Variants in GEMIN4 observed in about 807,000 individuals in gnomAD.
The protein encoded by GEMIN4 is gem-associated protein 4.
Under a neutral mutation model 76.8 loss-of-function variants are expected in GEMIN4, and 59 were observed. That is an observed-to-expected ratio of 0.77 (90% CI 0.62 to 0.95). The LOEUF is 0.95. Among genes scored for constraint, GEMIN4 ranks in the 40% least tolerant of loss-of-function variants. The probability of loss-of-function intolerance (pLI) is 0.00; values close to 1 mark genes in which losing one functional copy is unlikely to be tolerated. For missense variants in GEMIN4, 1,311 were observed against 1,318.9 expected, an observed-to-expected ratio of 0.99 and a Z score of 0.09; for synonymous variants, 562 against 559.7, an observed-to-expected ratio of 1.00 and a Z score of -0.06.
In GEMIN4 at chr17:746,522, C is replaced by T. The variant is rs373721364; in HGVS notation, c.1521G>A (p.Gly507=). Reference sequence around the variant, plus strand: ...GCAACTTTTCAGAGAGGCCCTTTCGCCCCCAGGAACGCAGGATACCTGCAA... The same window carrying T: ...GCAACTTTTCAGAGAGGCCCTTTCGTCCCCAGGAACGCAGGATACCTGCAA... The part of the protein sequence containing the change: ...KVLAGILRSW[G]RKGLSEKLLA... The change falls in exon 2 of 2, where the codon GGG becomes GGA. Residue 507 remains glycine, a synonymous_variant. Transcript: ENST00000319004. This position sits in a 1 kb window ranked among gnomAD's most constrained non-coding sequence, Gnocchi z 4.3. The T allele has an allele frequency of 4.3e-6, 7 of 1,613,820 alleles. No homozygotes were observed. In the African/African-American group the frequency reaches 8.0e-5, roughly 18 times the overall value.
At position 745,229 on chromosome 17, in the gene GEMIN4, G is replaced by C. The variant is rs371078277; in HGVS notation, c.2814C>G (p.His938Gln). 1 of 1,609,658 alleles carries C rather than the reference G, an allele frequency of 6.2e-7. No individual in the cohort carries two copies. The highest frequency in any genetic ancestry group is 8.5e-7 in the Non-Finnish European group (1 of 1,178,484). The change falls in exon 2 of 2, where the codon CAC becomes CAG. Residue 938 changes from histidine (H) to glutamine (Q), a missense_variant. Around this residue, in one of 2 missense-constraint regions of GEMIN4, gnomAD observed 1,208 missense variants for 1,166.9 expected, o/e 1.04. Transcript: ENST00000319004. This position sits in a 1 kb window ranked among gnomAD's most constrained non-coding sequence, Gnocchi z 4.6. Reference sequence around the variant, plus strand: ...GACTGCCACAGAGGAGTTTGACCACGTGGTTCCAGCCTTCCAGAGGAAGCC... The same window carrying C: ...GACTGCCACAGAGGAGTTTGACCACCTGGTTCCAGCCTTCCAGAGGAAGCC... ...RDWLPLEGWN[H>Q]VVKLLCGSLT... is the part of the protein sequence containing the mutation.
chr17:750,000 G>GGAAA (rs1904578827), intron 1 of GEMIN4: 1 of 979,058 alleles, frequency 1.0e-6, no homozygotes, highest in Non-Finnish European at 1.2e-6. Context: ...GACTTACCAT[G>GGAAA]GAAAACATCT....
At position 752,224 on chromosome 17, in the gene GEMIN4, T is replaced by TGGGAGACGCAGGAGCCACGGC. The variant is rs1904767336; in HGVS notation, c.-103_-83dup. ...ACGCGGCGCGGGACGCACGGCACGA[T>TGGGAGACGCAGGAGCCACGGC]GGGAGACGCAGGAGCCACGGCGGCC... is the stretch of plus-strand genomic sequence containing the variant. On this transcript the variant is annotated 5_prime_UTR_variant, in exon 1 of 2. Transcript: ENST00000319004. 1 of 1,229,070 alleles carries TGGGAGACGCAGGAGCCACGGC rather than the reference T, an allele frequency of 8.1e-7. No individual in the cohort carries two copies. The highest frequency in any genetic ancestry group is 3.2e-5 in the East Asian group (1 of 31,482). 76.1% of individuals were successfully genotyped at this position (1,229,070 alleles called of 1,614,324 possible). A position where few individuals can be genotyped will look rare whatever the true frequency, so the allele number is the denominator to read the frequency against.
At position 745,478 on chromosome 17, in the gene GEMIN4, C is replaced by A; in HGVS notation, c.2565G>T (p.Val855=). Residue 855 remains valine, a synonymous_variant, in exon 2 of 2, where the codon GTG becomes GTT. Coordinates refer to ENST00000319004, the MANE Select transcript of GEMIN4 (RefSeq NM_015721.3). This position sits in a 1 kb window ranked among gnomAD's most constrained non-coding sequence, Gnocchi z 4.6. ...ACCAAGGCATGACTTGCACCAGGGC[C>A]ACCAGAAAGCCTTTGCTGAACAGTC... is the stretch of plus-strand genomic sequence containing the variant. ...EVRLFSKGFL[V]ALVQVMPWCS... 6.2e-7 allele frequency: 1 copy of A among 1,612,084 alleles called. No individual in the cohort carries two copies. Among genetic ancestry groups the A allele is most frequent in the Non-Finnish European group, 8.5e-7 (1 of 1,179,860 alleles).
chr17:745,570 A>C lies in GEMIN4; in HGVS notation c.2473T>G (p.Ser825Ala), dbSNP rs866959440. 3.7e-6 allele frequency: 6 copies of C among 1,611,788 alleles called. No homozygotes were observed. The Middle Eastern group carries it at 6.6e-4, about 177-fold the overall frequency. The change falls in exon 2 of 2, where the codon TCC becomes GCC. Residue 825 changes from serine (S) to alanine (A), a missense_variant. Ser to Ala is a moderately conservative substitution (Grantham distance 99). Coordinates refer to ENST00000319004, the MANE Select transcript of GEMIN4 (RefSeq NM_015721.3). The surrounding 1 kb of genome is among the most constrained non-coding windows in gnomAD (Gnocchi z 4.6). Reference protein sequence around the residue: ...LLAWMECCCVSSGISERMLSL... With the variant: ...LLAWMECCCVASGISERMLSL... ...AGCATCCTCTCCGAGATGCCGCTGG[A>C]GACGCAGCAGCACTCCATCCAGGCC...
upstream of GEMIN4, chr17:753,418 G>A (rs1904858078): frequency 6.5e-6 from 1 of 153,064 alleles, no homozygotes; most frequent in African/African-American, 2.5e-5. Context: ...TGGGGGGCGT[G>A]GAGCGCGAAC....
At chr17:752,792 G>A, upstream of GEMIN4, 1 of 195,006 alleles carries the variant, frequency 5.1e-6, no homozygotes, top group Non-Finnish European at 9.4e-6. Context: ...CAAACATCGC[G>A]TGCCTGTCTC....
chr17:746,402 G>C lies in GEMIN4; in HGVS notation c.1641C>G (p.Ala547=), dbSNP rs550370353. The change falls in exon 2 of 2, where the codon GCC becomes GCG. Residue 547 remains alanine, a synonymous_variant. Transcript: ENST00000319004. The surrounding 1 kb of genome is among the most constrained non-coding windows in gnomAD (Gnocchi z 4.3). The part of the protein sequence containing the change: ...ASEQGLAKAV[A]SVARLVIVHP... ...GCACTATGACCAGGCGGGCCACGGA[G>C]GCCACAGCTTTTGCCAAGCCCTGTT... The C allele has an allele frequency of 6.2e-7, 1 of 1,613,806 alleles. No homozygotes were observed. The highest frequency in any genetic ancestry group is 1.1e-5 in the South Asian group (1 of 91,088).
chr17:746,382 A>G lies in GEMIN4; in HGVS notation c.1661T>C (p.Ile554Thr). The change falls in exon 2 of 2, where the codon ATA becomes ACA. Residue 554 changes from isoleucine (I) to threonine (T), a missense_variant. Physicochemically the swap from Ile to Thr is moderately conservative, Grantham distance 89 (BLOSUM62 -1). Coordinates refer to ENST00000319004, the MANE Select transcript of GEMIN4 (RefSeq NM_015721.3). This position sits in a 1 kb window ranked among gnomAD's most constrained non-coding sequence, Gnocchi z 4.3. The part of the protein sequence containing the change: ...KAVASVARLV[I>T]VHPEVTVKKM... ...CTTCACCGTGACTTCCGGGTGCACT[A>G]TGACCAGGCGGGCCACGGAGGCCAC... The G allele has an allele frequency of 6.2e-7, 1 of 1,613,826 alleles. No homozygotes were observed. Among genetic ancestry groups the G allele is most frequent in the Non-Finnish European group, 8.5e-7 (1 of 1,179,884 alleles).
chr17:751,224 T>C (rs1019624766), intron 1 of GEMIN4, among the ~76,000 whole-genome samples: 3 of 152,194 alleles, frequency 2.0e-5, no homozygotes, highest in Non-Finnish European at 4.4e-5. Flanking sequence ...AATCACCTTT[T>C]GAGGACTAGT....
intron 1 of GEMIN4, 112 bp from the exon 2 acceptor site, chr17:748,144 G>A (rs1309448750): frequency 4.7e-5 from 38 of 807,726 alleles, no homozygotes; most frequent in South Asian, 1.8e-4. Flanking sequence ...GGACATCAGC[G>A]GACGGGGAGA....
At position 746,987 on chromosome 17, in the gene GEMIN4, C is replaced by T; in HGVS notation, c.1056G>A (p.Leu352=). The change falls in exon 2 of 2, where the codon CTG becomes CTA. Residue 352 remains leucine (L), a synonymous_variant. Transcript: ENST00000319004. This position sits in a 1 kb window ranked among gnomAD's most constrained non-coding sequence, Gnocchi z 4.3. ...SYDSYRLCDS[L]TSFSQNATLY... is the part of the protein sequence containing the mutation. ...GCGTCGCGTTCTGGCTGAAGGAAGT[C>T]AGACTGTCGCACAGCCGGTAGCTGT... The T allele has an allele frequency of 1.2e-6, 2 of 1,613,204 alleles. No homozygotes were observed. Among genetic ancestry groups the T allele is most frequent in the South Asian group, 2.2e-5 (2 of 91,060 alleles).
In GEMIN4 at chr17:747,103, A is replaced by T. The variant is rs1321038526; in HGVS notation, c.940T>A (p.Phe314Ile). 2 of 1,613,704 alleles carry T rather than the reference A, an allele frequency of 1.2e-6. No individual in the cohort carries two copies. The highest frequency in any genetic ancestry group is 2.2e-5 in the East Asian group (1 of 44,858). ...TGGTGCAGGAACTCGCAGCCCACGA[A>T]AATGGTCTCACTGGGGAGTTTGGCC... The part of the protein sequence containing the change: ...SLAKLPSETI[F>I]VGCEFLHHLL... Residue 314 changes from phenylalanine (F) to isoleucine (I), a missense_variant, in exon 2 of 2, where the codon TTC becomes ATC. By Grantham distance (21) the Phe-to-Ile change is conservative. This residue lies in a region of GEMIN4 where 1,208 missense variants were observed against 1,166.9 expected (regional missense o/e 1.04). Coordinates refer to ENST00000319004, the MANE Select transcript of GEMIN4 (RefSeq NM_015721.3).
chr17:752,054 G>A, intron 1 of GEMIN4, 79 bp downstream of exon 1: 1 of 986,006 alleles, frequency 1.0e-6, no homozygotes, highest in Non-Finnish European at 1.3e-6. Context: ...TGCGCGACAG[G>A]AGGAGACGCG....
chr17:748,098 T>A, intron 1 of GEMIN4, 66 bp from the exon 2 acceptor site: 4 of 1,244,140 alleles, frequency 3.2e-6, no homozygotes, highest in South Asian at 1.5e-5. Context: ...CTGCTGTTAG[T>A]AGGCTGTCAT....
chr17:745,142 T>C lies in GEMIN4; in HGVS notation c.2901A>G (p.Pro967=). 1 of 1,607,646 alleles carries C rather than the reference T, an allele frequency of 6.2e-7. No individual in the cohort carries two copies. The highest frequency in any genetic ancestry group is 8.5e-7 in the Non-Finnish European group (1 of 1,177,314). Residue 967 remains proline, a synonymous_variant, in exon 2 of 2, where the codon CCA becomes CCG. Transcript: ENST00000319004. This position sits in a 1 kb window ranked among gnomAD's most constrained non-coding sequence, Gnocchi z 4.6. ...IQAAGPWVQG[P]EQDLTQEALF... is the part of the protein sequence containing the mutation. ...GGGCTTCCTGGGTCAGGTCCTGCTC[T>C]GGTCCTTGAACCCAAGGGCCAGCTG... is the stretch of plus-strand genomic sequence containing the variant.
chr17:744,950 C>G lies in GEMIN4; in HGVS notation c.3093G>C (p.Glu1031Asp). Reference sequence around the variant, plus strand: ...CAGCAATGGACTTTAAGAAGCGCTGCTCGTGTGCCCTCTGGAGCAAGGAGC... The same window carrying G: ...CAGCAATGGACTTTAAGAAGCGCTGGTCGTGTGCCCTCTGGAGCAAGGAGC... ...SVSSLLQRAH[E>D]QRFLKSIAEG... Residue 1031 changes from glutamate (E) to aspartate (D), a missense_variant, in exon 2 of 2, where the codon GAG becomes GAC. Physicochemically the swap from Glu to Asp is conservative, Grantham distance 45. This residue lies in a region of GEMIN4 where 1,208 missense variants were observed against 1,166.9 expected (regional missense o/e 1.04). Transcript: ENST00000319004. 6.2e-7 allele frequency: 1 copy of G among 1,613,938 alleles called. No homozygotes were observed.
Position 747,086 on chromosome 17 carries a change from G to T in GEMIN4, c.957C>A (p.Phe319Leu). 6.2e-7 allele frequency: 1 copy of T among 1,613,648 alleles called. No individual in the cohort carries two copies. Among genetic ancestry groups the T allele is most frequent in the Middle Eastern group, 1.6e-4 (1 of 6,062 alleles). ...PSETIFVGCE[F>L]LHHLLREWGE... The stretch of plus-strand genomic sequence containing the variant: ...CCCACTCCCGCAGCAGGTGGTGCAG[G>T]AACTCGCAGCCCACGAAAATGGTCT... The change falls in exon 2 of 2, where the codon TTC becomes TTA. Residue 319 changes from phenylalanine to leucine, a missense_variant. Phe to Leu is a conservative substitution (Grantham distance 22, BLOSUM62 0). This residue lies in a region of GEMIN4 where 1,208 missense variants were observed against 1,166.9 expected (regional missense o/e 1.04). Coordinates refer to ENST00000319004, the MANE Select transcript of GEMIN4 (RefSeq NM_015721.3).
upstream of GEMIN4, chr17:752,362 C>G: frequency 9.3e-7 from 1 of 1,081,000 alleles, no homozygotes; most frequent in Non-Finnish European, 1.2e-6. Context: ...CCGGCAGAGC[C>G]CTCCCACCAG....
Sources: allele counts gnomAD v4.1 joint callset (sites outside exome capture counted in the v4.1 genomes callset), GRCh38; gene constraint gnomAD v4.1.1; regional missense constraint gnomAD v4.1.1; non-coding constraint Gnocchi (gnomAD v3.1); transcripts MANE v1.5; gene names NCBI Gene and HGNC (gene_info 2026-07-23, HGNC 2026-07-21).